COL23A1: variants seen among roughly 807,000 people sequenced by gnomAD.
The protein encoded by COL23A1 is collagen type XXIII alpha 1 chain.
COL23A1 carries 97 observed loss-of-function variants against 99.3 expected under a neutral mutation model. The observed-to-expected ratio is 0.98, with a 90% CI of 0.83 to 1.16. The LOEUF is 1.16. COL23A1 is among the 50% of genes most tolerant of loss of function. COL23A1 has a pLI of 0.00. For missense variants in COL23A1, 762 were observed against 757.4 expected (o/e 1.01, Z -0.07); for synonymous variants, 320 against 308.2 (o/e 1.04, Z -0.40).
At chr5:178,506,312 G>A (rs1317562603) in intron 2 of COL23A1, among the ~76,000 whole-genome samples, 1 of 152,178 alleles carries the variant, frequency 6.6e-6, no homozygotes, top group East Asian at 1.9e-4. Context: ...GGCTTCCTGG[G>A]TGCCCCACAC....
Position 178,321,373 on chromosome 5 carries a change from T to C in COL23A1, c.362-14454A>G, listed in dbSNP as rs184201251. On this transcript the variant is annotated intron_variant, in intron 2 of 28. Coordinates refer to ENST00000390654, the MANE Select transcript of COL23A1 (RefSeq NM_173465.4). ...GAATCTGATGACTCTGGGTATCTCATACAAGCGGAGCTCAGCAGCATTTGT... is the reference window on the plus strand; with the variant it reads ...GAATCTGATGACTCTGGGTATCTCACACAAGCGGAGCTCAGCAGCATTTGT... Among the ~76,000 whole-genome samples the C allele has an allele frequency of 1.1e-3, 170 of 152,070 alleles. 2 individuals are homozygous for C. Among genetic ancestry groups the C allele is most frequent in the Admixed American group, 0.01 (154 of 15,250 alleles).
intron 2 of COL23A1, among the ~76,000 whole-genome samples, chr5:178,405,388 C>T (rs1181402099): frequency 6.6e-6 from 1 of 152,206 alleles, no homozygotes; most frequent in Non-Finnish European, 1.5e-5. Flanking sequence ...TTTGTATTTT[C>T]TTTCTGACCC....
chr5:178,465,205 T>C (rs1037549241), intron 2 of COL23A1, among the ~76,000 whole-genome samples: 3 of 151,998 alleles, frequency 2.0e-5, no homozygotes, highest in Non-Finnish European at 4.4e-5. Context: ...AAAACAGGGG[T>C]CGGCCTTCCA....
At chr5:178,315,127 C>T (rs1464256765) in intron 2 of COL23A1, among the ~76,000 whole-genome samples, 1 of 152,164 alleles carries the variant, frequency 6.6e-6, no homozygotes, top group Non-Finnish European at 1.5e-5. Flanking sequence ...AGTTTCTGGG[C>T]TGGTTCCTCT....
At chr5:178,578,309 C>T (rs1562107819) in intron 1 of COL23A1, among the ~76,000 whole-genome samples, 1 of 152,210 alleles carries the variant, frequency 6.6e-6, no homozygotes, top group Non-Finnish European at 1.5e-5. Flanking sequence ...CACATACACA[C>T]TTCCACCCTC....
At chr5:178,510,368 C>G (rs1047409700) in intron 2 of COL23A1, among the ~76,000 whole-genome samples, 1 of 152,148 alleles carries the variant, frequency 6.6e-6, no homozygotes, top group Non-Finnish European at 1.5e-5. Flanking sequence ...ATGGTGAAAC[C>G]CTGTCTCTAC....
chr5:178,486,433 C>A (rs147054853), intron 2 of COL23A1, among the ~76,000 whole-genome samples: 65 of 152,280 alleles, frequency 4.3e-4, no homozygotes, highest in African/African-American at 1.4e-3. Flanking sequence ...AGTCTCAGAG[C>A]GCACTGCGTA....
chr5:178,475,876 G>C (rs558468621), intron 2 of COL23A1, among the ~76,000 whole-genome samples: 22 of 152,158 alleles, frequency 1.4e-4, no homozygotes, highest in Non-Finnish European at 2.9e-4. Context: ...TCCTGGCTGG[G>C]AGGACCCCTG....
chr5:178,498,472 A>G (rs1433049433), intron 2 of COL23A1, among the ~76,000 whole-genome samples: 1 of 151,496 alleles, frequency 6.6e-6, no homozygotes, highest in Non-Finnish European at 1.5e-5. Context: ...GCATCTTACT[A>G]TTTATTAAGT....
intron 2 of COL23A1, among the ~76,000 whole-genome samples, chr5:178,383,002 G>T (rs889914347): frequency 2.0e-5 from 3 of 152,124 alleles, no homozygotes; most frequent in Non-Finnish European, 4.4e-5. Flanking sequence ...CACCTGTCGG[G>T]GCTGGCTGGG....
intron 1 of COL23A1, among the ~76,000 whole-genome samples, chr5:178,582,304 ACAGCT>A (rs549094668): frequency 2.2e-3 from 334 of 150,970 alleles, no homozygotes; most frequent in African/African-American, 8.0e-3. Context: ...GGAGGCAGCC[ACAGCT>A]CAGCGGCAGC....
At chr5:178,566,078 G>C (rs1417638648) in intron 1 of COL23A1, among the ~76,000 whole-genome samples, 1 of 152,028 alleles carries the variant, frequency 6.6e-6, no homozygotes, top group Non-Finnish European at 1.5e-5. Context: ...CAGTGAGTGA[G>C]AGCATGTCAT....
chr5:178,460,708 C>A (rs189444661), intron 2 of COL23A1, among the ~76,000 whole-genome samples: 365 of 152,310 alleles, frequency 2.4e-3, no homozygotes, highest in African/African-American at 8.5e-3. Context: ...AATCCCTTTG[C>A]CCTGCTTTTC....
At chr5:178,295,781 C>T (rs1436449964) in intron 3 of COL23A1, among the ~76,000 whole-genome samples, 1 of 152,198 alleles carries the variant, frequency 6.6e-6, no homozygotes, top group Non-Finnish European at 1.5e-5. Context: ...TACTATGCAG[C>T]CATGAAAAAG....
chr5:178,479,288 T>C (rs1160253266), intron 2 of COL23A1, among the ~76,000 whole-genome samples: 1 of 152,156 alleles, frequency 6.6e-6, no homozygotes, highest in African/African-American at 2.4e-5. Flanking sequence ...CACACAGCTA[T>C]GGAGGTCGGG....
chr5:178,473,781 A>C (rs1756888936), intron 2 of COL23A1, among the ~76,000 whole-genome samples: 1 of 152,094 alleles, frequency 6.6e-6, no homozygotes, highest in Non-Finnish European at 1.5e-5. Context: ...TGGGCCTCTC[A>C]TGAACGCTGA....
intron 2 of COL23A1, among the ~76,000 whole-genome samples, chr5:178,380,049 C>T (rs1212738444): frequency 2.0e-5 from 3 of 152,154 alleles, no homozygotes; most frequent in East Asian, 1.9e-4. Flanking sequence ...GTTCCTGAAC[C>T]GATGCTGCCT....
At chr5:178,304,220 C>A (rs2913762) in intron 3 of COL23A1, among the ~76,000 whole-genome samples, 113,983 of 151,888 alleles carry the variant, frequency 0.75, 43,340 homozygotes, top group African/African-American at 0.79. Context: ...CAAAAAAGAG[C>A]CTTTCTCTGT....
intron 2 of COL23A1, among the ~76,000 whole-genome samples, chr5:178,336,500 T>C (rs1760324490): frequency 6.6e-6 from 1 of 152,310 alleles, no homozygotes; most frequent in African/African-American, 2.4e-5. Context: ...AGGCCTCAGA[T>C]TGTGTGATTC....
Sources: gnomAD v4.1 joint callset for allele counts (sites outside exome capture counted in the v4.1 genomes callset) on GRCh38, gnomAD v4.1.1 for gene constraint, MANE v1.5 for transcripts, NCBI Gene and HGNC (gene_info 2026-07-23, HGNC 2026-07-21) for gene names.